Variants in SLC12A1 observed in about 807,000 individuals in gnomAD.
SLC12A1 encodes the protein Na-K-2Cl cotransporter.
A neutral mutation model predicts 130.4 loss-of-function variants in SLC12A1; 89 were observed. The observed-to-expected ratio is 0.68, with a 90% CI of 0.58 to 0.81. The LOEUF is 0.81. Ranked by LOEUF, SLC12A1 falls within the 40% of genes least tolerant of loss-of-function variation. The pLI is 0.00. For synonymous variants in SLC12A1, 499 were observed against 460.0 expected, an observed-to-expected ratio of 1.08 and a Z score of -1.09; for missense variants, 1,310 against 1,336.4, an observed-to-expected ratio of 0.98 and a Z score of 0.31.
intron 16 of SLC12A1, among the ~76,000 whole-genome samples, chr15:48,257,210 C>T (rs1809231592): frequency 6.6e-6 from 1 of 152,232 alleles, no homozygotes; most frequent in Non-Finnish European, 1.5e-5. Flanking sequence ...TGTTGAGCAG[C>T]TCTGCCCCTG....
rs186003646 is a variant in SLC12A1, at chr15:48,265,721, T to C, written c.2155-1840T>C. 2.6e-5 allele frequency among the ~76,000 whole-genome samples: 4 copies of C among 152,286 alleles called. No individual in the cohort carries two copies. In the East Asian group the frequency reaches 7.7e-4, roughly 29 times the overall value. ...ACTGTTTTGAAAAGTTGGCAGGTTC[T>C]AGGAAATATGCTGGAAAAAATAAGA... On this transcript the variant is annotated intron_variant, in intron 17 of 26. Transcript: ENST00000380993.
rs76805865 is a variant in SLC12A1, at chr15:48,289,489, T to C, written c.2873+973T>C. Among the ~76,000 whole-genome samples the C allele has an allele frequency of 9.8e-3, 1,144 of 117,196 alleles. 53 individuals are homozygous for C. The East Asian group carries it at 0.14, about 14-fold the overall frequency. 76.9% of individuals were successfully genotyped at this position (117,196 alleles called of 152,430 possible). On this transcript the variant is annotated intron_variant, in intron 23 of 26. Coordinates refer to ENST00000380993, the MANE Select transcript of SLC12A1 (RefSeq NM_000338.3). ...GTATAACAATGTATAACAATGTATA[T>C]ACACACACACAGTTATACACTGCTA...
chr15:48,293,158 C>T (rs892864830), intron 24 of SLC12A1, among the ~76,000 whole-genome samples: 15 of 152,208 alleles, frequency 9.9e-5, no homozygotes, highest in African/African-American at 3.6e-4. Context: ...ATCTGCCCGC[C>T]TTATCCTCCC....
At chr15:48,220,185 A>AG (rs1567305483) in intron 2 of SLC12A1, among the ~76,000 whole-genome samples, 3 of 151,044 alleles carry the variant, frequency 2.0e-5, no homozygotes, top group South Asian at 2.1e-4. Flanking sequence ...ATAGATAGAT[A>AG]AAATGAAGTA....
intron 24 of SLC12A1, among the ~76,000 whole-genome samples, chr15:48,292,626 G>T (rs1846179834): frequency 6.6e-6 from 1 of 152,186 alleles, no homozygotes; most frequent in African/African-American, 2.4e-5. Flanking sequence ...GGAAGTCCCA[G>T]TTCAAGGTGC....
intron 4 of SLC12A1, 143 bp downstream of exon 4, chr15:48,221,139 C>T (rs1257331223): frequency 1.1e-5 from 9 of 824,778 alleles, no homozygotes; most frequent in Admixed American, 6.4e-5. Context: ...GCTTCTTTGA[C>T]GATGTTTGTC....
intron 2 of SLC12A1, among the ~76,000 whole-genome samples, chr15:48,218,180 C>G (rs2041149596): frequency 6.6e-6 from 1 of 152,092 alleles, no homozygotes; most frequent in African/African-American, 2.4e-5. Flanking sequence ...AAGTAACCCA[C>G]AATTTAGAAT....
chr15:48,244,720 T>G, intron 10 of SLC12A1, 33 bp from the exon 11 acceptor site: 3 of 1,612,094 alleles, frequency 1.9e-6, no homozygotes, highest in Non-Finnish European at 2.5e-6. Context: ...CAGAACTTTA[T>G]AAAGAAATAA....
intron 2 of SLC12A1, among the ~76,000 whole-genome samples, chr15:48,209,034 C>T (rs984579965): frequency 6.6e-6 from 1 of 152,126 alleles, no homozygotes; most frequent in African/African-American, 2.4e-5. Flanking sequence ...AGCCAGGGTT[C>T]CCAAGTCTGT....
intron 17 of SLC12A1, among the ~76,000 whole-genome samples, chr15:48,262,368 T>C (rs908417931): frequency 1.7e-4 from 26 of 152,242 alleles, no homozygotes; most frequent in African/African-American, 6.3e-4. Context: ...AGAGGGAAAA[T>C]GTGTGGCCAC....
chr15:48,276,662 C>T (rs895481817), intron 20 of SLC12A1, among the ~76,000 whole-genome samples: 11 of 152,088 alleles, frequency 7.2e-5, no homozygotes, highest in Admixed American at 6.5e-4. Context: ...CTTATGACAC[C>T]CTGTCTGTGA....
At chr15:48,223,328 T>C (rs1430438432) in intron 4 of SLC12A1, 1 of 152,200 alleles carries the variant, frequency 6.6e-6, no homozygotes, top group Admixed American at 6.5e-5. Flanking sequence ...TGAGCATTTT[T>C]AATAAGCACC....
chr15:48,285,245 A>C lies in SLC12A1; in HGVS notation c.2625A>C (p.Lys875Asn). The C allele has an allele frequency of 6.2e-7, 1 of 1,613,588 alleles. No individual in the cohort carries two copies. Among genetic ancestry groups the C allele is most frequent in the Non-Finnish European group, 8.5e-7 (1 of 1,179,734 alleles). Residue 875 changes from lysine (K) to asparagine (N), a missense_variant, in exon 21 of 27, where the codon AAA becomes AAC. Transcript: ENST00000380993. ...GKLNITKTTP[K>N]KDGSINTSQS... The stretch of plus-strand genomic sequence containing the variant: ...TGAACATTACTAAGACAACGCCTAA[A>C]AAAGGTAAGAACTTTTTAAAATTTG...
intron 22 of SLC12A1, 108 bp from the exon 23 acceptor site, chr15:48,288,297 T>C: frequency 5.2e-6 from 6 of 1,154,680 alleles, no homozygotes; most frequent in Non-Finnish European, 7.4e-6. Flanking sequence ...CTCCAAAGAC[T>C]ATAACTTAAT....
At chr15:48,235,936 G>A (rs1439938644) in intron 9 of SLC12A1, among the ~76,000 whole-genome samples, 1 of 152,122 alleles carries the variant, frequency 6.6e-6, no homozygotes, top group African/African-American at 2.4e-5. Context: ...ACATTCCATA[G>A]GCCAGAATTT....
chr15:48,260,280 A>G (rs144374264), intron 17 of SLC12A1, among the ~76,000 whole-genome samples: 83 of 151,014 alleles, frequency 5.5e-4, no homozygotes, highest in African/African-American at 2.0e-3. Context: ...TAATAATAAT[A>G]ATAATAAAGT....
chr15:48,290,250 C>G (rs2042105418), intron 23 of SLC12A1, among the ~76,000 whole-genome samples: 1 of 152,238 alleles, frequency 6.6e-6, no homozygotes, highest in East Asian at 1.9e-4. Context: ...CATCCTGTAT[C>G]CCACTGGAAG....
rs554414818 is a variant in SLC12A1 at position 48,235,009 on chromosome 15, G to C, written c.1215+5G>C. ...AATATCTCAGGAGATTTGGAGGTACGTTGTTTGCTCTGCTTTGCAGTCCTG... is the reference window on the plus strand; with the variant it reads ...AATATCTCAGGAGATTTGGAGGTACCTTGTTTGCTCTGCTTTGCAGTCCTG... On this transcript the variant is annotated splice_donor_5th_base_variant and intron_variant, in intron 9 of 26. Coordinates refer to ENST00000380993, the MANE Select transcript of SLC12A1 (RefSeq NM_000338.3). 4 of 1,613,632 alleles carry C rather than the reference G, an allele frequency of 2.5e-6. No individual in the cohort carries two copies. The highest frequency in any genetic ancestry group is 3.4e-6 in the Non-Finnish European group (4 of 1,179,788).
At chr15:48,215,954 G>T (rs951850924) in intron 2 of SLC12A1, among the ~76,000 whole-genome samples, 2 of 152,186 alleles carry the variant, frequency 1.3e-5, no homozygotes, top group African/African-American at 4.8e-5. Context: ...ATACGGTGCA[G>T]GATTTTTTGG....
Sources: gnomAD v4.1 joint callset for allele counts (sites outside exome capture counted in the v4.1 genomes callset) on GRCh38, gnomAD v4.1.1 for gene constraint, MANE v1.5 for transcripts, NCBI Gene and HGNC (gene_info 2026-07-23, HGNC 2026-07-21) for gene names.